The following CPOX variants were observed in gnomAD, a reference collection of about 807,000 sequenced individuals.
The protein encoded by CPOX is oxygen-dependent coproporphyrinogen-III oxidase, mitochondrial.
In CPOX, 24 loss-of-function variants were observed where a neutral mutation model predicts 48.9. The ratio of observed to expected loss-of-function variants is 0.49; its 90% CI spans 0.36 to 0.69. CPOX has a LOEUF of 0.69. Ranked by LOEUF, CPOX falls within the 30% of genes least tolerant of loss-of-function variation. CPOX has a pLI of 0.00. For missense variants in CPOX, 549 were observed against 597.3 expected (o/e 0.92, Z 0.84); for synonymous variants, 249 against 234.6 (o/e 1.06, Z -0.56).
rs751457880 is a variant in CPOX at position 98,592,954 on chromosome 3, T to C, written c.551A>G (p.Lys184Arg). 12 of 1,612,322 alleles carry C rather than the reference T, an allele frequency of 7.4e-6. No homozygotes were observed. In the Admixed American group the frequency reaches 2.0e-4, roughly 27 times the overall value. The change falls in exon 1 of 7, where the codon AAG (lysine) becomes AGG (arginine). Residue 184 changes from lysine (K) to arginine (R), a missense_variant. Physicochemically the swap from Lys to Arg is conservative, Grantham distance 26. This residue lies in a region of CPOX where 336 missense variants were observed against 318.1 expected (regional missense o/e 1.06). Coordinates refer to ENST00000647941, the MANE Select transcript of CPOX (RefSeq NM_000097.7). The stretch of plus-strand genomic sequence containing the variant: ...CCAGGGGCCGGCCTCCTTACCTTCC[T>C]TCCTCTCCCACCGGTCCACAGAAAA... ...ANFSVDRWER[K>R]EGGGGISCVL...
chr3:98,580,930 C>G (rs1470078240), intron 6 of CPOX, among the ~76,000 whole-genome samples, 160 bp from the exon 7 acceptor site: 1 of 151,612 alleles, frequency 6.6e-6, no homozygotes, highest in Non-Finnish European at 1.5e-5. Flanking sequence ...CCAACTTGAC[C>G]TTTAAAAAAA....
At chr3:98,591,948 C>A (rs1262860658) in intron 1 of CPOX, among the ~76,000 whole-genome samples, 1 of 148,862 alleles carries the variant, frequency 6.7e-6, no homozygotes, top group Non-Finnish European at 1.5e-5. Context: ...ATTCTAAGCA[C>A]TTCACATATA....
intron 2 of CPOX, 29 bp downstream of exon 2, chr3:98,590,983 T>C (rs774772873): frequency 6.2e-7 from 1 of 1,613,208 alleles, no homozygotes; most frequent in Non-Finnish European, 8.5e-7. Flanking sequence ...GCAGGGACTA[T>C]TAGAGACTAT....
the CPOX span, among the ~76,000 whole-genome samples, chr3:98,573,249 T>C: frequency 5.3e-5 from 8 of 152,222 alleles, no homozygotes; most frequent in African/African-American, 1.4e-4. Flanking sequence ...ACTGGAATTG[T>C]AGACATTGCC....
chr3:98,576,647 T>C (rs1707166073), downstream of CPOX, among the ~76,000 whole-genome samples: 1 of 152,246 alleles, frequency 6.6e-6, no homozygotes, highest in Non-Finnish European at 1.5e-5. Flanking sequence ...GTTATGTGTT[T>C]CTTTGGGAAG....
intron 4 of CPOX, among the ~76,000 whole-genome samples, chr3:98,586,240 A>G (rs1229209623): frequency 2.0e-5 from 3 of 152,188 alleles, no homozygotes; most frequent in Non-Finnish European, 4.4e-5. Context: ...GTGAAACTCT[A>G]AGAACTTTAG....
chr3:98,584,585 T>G (rs1707322879), intron 5 of CPOX, among the ~76,000 whole-genome samples: 1 of 152,214 alleles, frequency 6.6e-6, no homozygotes, highest in African/African-American at 2.4e-5. Context: ...ACCCAAAGCT[T>G]CTTTTGCCTA....
chr3:98,585,677 G>A lies in CPOX; in HGVS notation c.954-18C>T, dbSNP rs775145231. 15 of 1,585,752 alleles carry A rather than the reference G, an allele frequency of 9.5e-6. No homozygotes were observed. The South Asian group carries it at 1.2e-4, about 13-fold the overall frequency. Reference sequence around the variant, plus strand: ...CATCACACCTGGAAAACACAGCGGCGCCAAACCAGGGATCAAATGGAAAAA... The same window carrying A: ...CATCACACCTGGAAAACACAGCGGCACCAAACCAGGGATCAAATGGAAAAA... On this transcript the variant is annotated intron_variant, in intron 4 of 6. Coordinates refer to ENST00000647941, the MANE Select transcript of CPOX (RefSeq NM_000097.7).
At chr3:98,576,275 CT>C (rs2107105991), downstream of CPOX, among the ~76,000 whole-genome samples, 1 of 152,220 alleles carries the variant, frequency 6.6e-6, no homozygotes, top group African/African-American at 2.4e-5. Context: ...AGCAAGGCAC[CT>C]TCTTCACAAG....
intron 3 of CPOX, chr3:98,590,397 C>A (rs1454028717): frequency 3.8e-6 from 2 of 533,190 alleles, no homozygotes; most frequent in Non-Finnish European, 6.9e-6. Context: ...GATCTGCCCA[C>A]CTCAGCCTCC....
the CPOX span, among the ~76,000 whole-genome samples, chr3:98,573,910 A>G: frequency 6.6e-6 from 1 of 151,944 alleles, no homozygotes; most frequent in African/African-American, 2.4e-5. Context: ...CTCCTATTCT[A>G]TTTGTTCAGA....
At chr3:98,572,942 TAATTA>T in the CPOX span, among the ~76,000 whole-genome samples, 48 of 152,328 alleles carry the variant, frequency 3.2e-4, no homozygotes, top group Middle Eastern at 3.4e-3. Context: ...AATACCCACA[TAATTA>T]AATTAATGTA....
downstream of CPOX, among the ~76,000 whole-genome samples, chr3:98,577,805 C>T (rs1324096526): frequency 6.6e-6 from 1 of 152,224 alleles, no homozygotes; most frequent in Non-Finnish European, 1.5e-5. Flanking sequence ...GAGTCATCCT[C>T]ACCTATGTAC....
intron 5 of CPOX, among the ~76,000 whole-genome samples, chr3:98,581,889 A>C (rs1707265847): frequency 6.6e-6 from 1 of 152,212 alleles, no homozygotes; most frequent in Non-Finnish European, 1.5e-5. Context: ...ATAATCTGGA[A>C]TGTTTTGGAC....
the CPOX span, among the ~76,000 whole-genome samples, chr3:98,571,538 A>G: frequency 1.3e-5 from 2 of 151,206 alleles, no homozygotes; most frequent in South Asian, 2.1e-4. Context: ...AATACAAAAA[A>G]TTAGCCGGGC....
At chr3:98,588,567 C>T in intron 4 of CPOX, 146 bp downstream of exon 4, 1 of 738,200 alleles carries the variant, frequency 1.4e-6, no homozygotes, top group Non-Finnish European at 2.3e-6. Context: ...CCACTTAAAA[C>T]CAGTATTCTA....
Position 98,593,473 on chromosome 3 carries a change from C to A in CPOX, c.32G>T (p.Gly11Val). The change falls in exon 1 of 7, where the codon GGC becomes GTC. Residue 11 changes from glycine to valine, a missense_variant. Coordinates refer to ENST00000647941, the MANE Select transcript of CPOX (RefSeq NM_000097.7). MALQLGRLSS[G>V]PCWLVARGGC... Reference sequence around the variant, plus strand: ...GCCCCGCGCCACGAGCCAGCAGGGGCCCGAGCTCAGCCTGCCCAGCTGCAA... The same window carrying A: ...GCCCCGCGCCACGAGCCAGCAGGGGACCGAGCTCAGCCTGCCCAGCTGCAA... 6.6e-7 allele frequency: 1 copy of A among 1,514,152 alleles called. No homozygotes were observed. The highest frequency in any genetic ancestry group is 8.8e-7 in the Non-Finnish European group (1 of 1,137,902). 93.8% of individuals were successfully genotyped at this position (1,514,152 alleles called of 1,614,324 possible). A position where few individuals can be genotyped will look rare whatever the true frequency, so the allele number is the denominator to read the frequency against.
chr3:98,577,471 G>A (rs111397420), downstream of CPOX, among the ~76,000 whole-genome samples: 504 of 152,280 alleles, frequency 3.3e-3, 3 homozygotes, highest in African/African-American at 0.012. Context: ...AAGGAAACCA[G>A]GAGCCATTTC....
chr3:98,587,325 T>C (rs1410967307), intron 4 of CPOX, among the ~76,000 whole-genome samples: 1 of 152,062 alleles, frequency 6.6e-6, no homozygotes, highest in Admixed American at 6.6e-5. Context: ...AAATCTCTCT[T>C]TAAAACATTA....
Sources: allele counts gnomAD v4.1 joint callset (sites outside exome capture counted in the v4.1 genomes callset), GRCh38; gene constraint gnomAD v4.1.1; regional missense constraint gnomAD v4.1.1; transcripts MANE v1.5; gene names NCBI Gene and HGNC (gene_info 2026-07-23, HGNC 2026-07-21).